The following POR variants were observed in gnomAD, a reference collection of about 807,000 sequenced individuals.
The protein encoded by POR is NADPH--cytochrome P450 reductase.
In POR, 56 loss-of-function variants were observed where a neutral mutation model predicts 84.0. The observed-to-expected ratio is 0.67, with a 90% CI of 0.54 to 0.83. The LOEUF (loss-of-function observed/expected upper bound fraction) is 0.83, where lower values mean the gene tolerates loss of function less well. Among genes scored for constraint, POR ranks in the 40% least tolerant of loss-of-function variants. The probability of loss-of-function intolerance (pLI) is 0.00; values close to 1 mark genes in which losing one functional copy is unlikely to be tolerated. For missense variants in POR, 938 were observed against 944.3 expected (o/e 0.99, Z 0.09); for synonymous variants, 414 against 400.5 (o/e 1.03, Z -0.40).
Position 75,985,765 on chromosome 7 carries a change from A to C in POR, c.1585A>C (p.Thr529Pro). The C allele has an allele frequency of 6.3e-7, 1 of 1,579,400 alleles. No individual in the cohort carries two copies. Among genetic ancestry groups the C allele is most frequent in the Non-Finnish European group, 8.6e-7 (1 of 1,163,858 alleles). ...GTTCCGCCTGCCCTTCAAGGCCACC[A>C]CGCCTGTCATCATGGTGGGCCCCGG... The change falls in exon 13 of 16, where the codon ACG becomes CCG. Residue 529 changes from threonine (T) to proline (P), a missense_variant. Coordinates refer to ENST00000461988, the MANE Select transcript of POR (RefSeq NM_000941.3).
rs1554559448 is a variant in POR at position 75,986,351 on chromosome 7, T to C, written c.1913T>C (p.Met638Thr). 5.0e-6 allele frequency: 8 copies of C among 1,612,286 alleles called. No homozygotes were observed. In the South Asian group the frequency reaches 6.6e-5, roughly 13 times the overall value. Residue 638 changes from methionine (M) to threonine (T), a missense_variant, in exon 16 of 16, where the codon ATG becomes ACG. By Grantham distance (81) the Met-to-Thr change is moderately conservative. Transcript: ENST00000461988. ...TTCCTGCCCAGGGATGCACGGAACA[T>C]GGCCAGGGATGTGCAGAACACCTTC...
intron 2 of POR, among the ~76,000 whole-genome samples, chr7:75,956,485 G>A (rs1031508029): frequency 1.3e-5 from 2 of 152,200 alleles, no homozygotes; most frequent in Admixed American, 6.5e-5. Context: ...AACCCTGGGC[G>A]AGACCTTAAC....
rs182553620 is a variant in POR, at chr7:75,970,266, A to G, written c.189-2147A>G. Among the ~76,000 whole-genome samples the G allele has an allele frequency of 1.9e-3, 293 of 152,154 alleles. 4 individuals carry two copies. The highest frequency in any genetic ancestry group is 1.5e-3 in the Non-Finnish European group (102 of 67,990). ...CTTCAAAATCAATCAGTCGGGCCCC[A>G]CATGTACCACTTCTGTTTATTTATA... is the stretch of plus-strand genomic sequence containing the variant. On this transcript the variant is annotated intron_variant, in intron 2 of 15. Coordinates refer to ENST00000461988, the MANE Select transcript of POR (RefSeq NM_000941.3).
chr7:75,938,889 C>T lies in POR; in HGVS notation c.-4-15100C>T, dbSNP rs1184720109. 2.0e-5 allele frequency among the ~76,000 whole-genome samples: 3 copies of T among 152,236 alleles called. No individual in the cohort carries two copies. In the South Asian group the frequency reaches 6.2e-4, roughly 31 times the overall value. On this transcript the variant is annotated intron_variant, in intron 1 of 15. Transcript: ENST00000461988. Reference sequence around the variant, plus strand: ...AGGCTCTGGTACACGCTTCCTCTATCGGTAGCTTCGCTCATCCCCCTAATC... The same window carrying T: ...AGGCTCTGGTACACGCTTCCTCTATTGGTAGCTTCGCTCATCCCCCTAATC...
chr7:75,920,538 C>T (rs1453952512), intron 1 of POR, among the ~76,000 whole-genome samples: 2 of 152,102 alleles, frequency 1.3e-5, no homozygotes, highest in Admixed American at 6.6e-5. Flanking sequence ...AAGAACAGTG[C>T]TTACTCATTC....
At chr7:75,975,157 A>AT (rs79467024) in intron 3 of POR, among the ~76,000 whole-genome samples, 40,434 of 150,086 alleles carry the variant, frequency 0.27, 5,553 homozygotes, top group East Asian at 0.43. Context: ...ATATTCCTGT[A>AT]TTTTTTTTTT....
rs782143653 is a variant in POR, at chr7:75,983,873, G to A, written c.1066+17G>A. On this transcript the variant is annotated intron_variant, in intron 10 of 15. Coordinates refer to ENST00000461988, the MANE Select transcript of POR (RefSeq NM_000941.3). ...ACCTGGATGGTGAGTGCCACAGTCA[G>A]GGCGCCCTGCCGGGCTCAGGCAGCC... 6.3e-6 allele frequency: 10 copies of A among 1,580,054 alleles called. No homozygotes were observed. Among genetic ancestry groups the A allele is most frequent in the Non-Finnish European group, 8.6e-6 (10 of 1,160,934 alleles).
At chr7:75,933,143 A>C (rs1554550342) in intron 1 of POR, among the ~76,000 whole-genome samples, 1 of 152,042 alleles carries the variant, frequency 6.6e-6, no homozygotes, top group Non-Finnish European at 1.5e-5. Context: ...AATATAGCAC[A>C]TTTTCTTCAC....
chr7:75,986,483 G>GGCCT lies in POR; in HGVS notation c.*10_*13dup. 1 of 1,607,218 alleles carries GGCCT rather than the reference G, an allele frequency of 6.2e-7. No individual in the cohort carries two copies. On this transcript the variant is annotated 3_prime_UTR_variant, in exon 16 of 16. Coordinates refer to ENST00000461988, the MANE Select transcript of POR (RefSeq NM_000941.3). ...TACTCCCTGGACGTGTGGAGCTAGG[G>GGCCT]GCCTGCCTGCCCCACCCACCCCACA...
chr7:75,949,480 T>C (rs1787319969), intron 1 of POR, among the ~76,000 whole-genome samples: 2 of 150,202 alleles, frequency 1.3e-5, no homozygotes, highest in Admixed American at 6.6e-5. Context: ...CGAAGTATGA[T>C]GTGAAGACAT....
rs1479019703 is a variant in POR at position 75,975,674 on chromosome 7, A to T, written c.237+3213A>T. Among the ~76,000 whole-genome samples the T allele has an allele frequency of 3.3e-5, 5 of 152,136 alleles. No individual in the cohort carries two copies. The East Asian group carries it at 9.6e-4, about 29-fold the overall frequency. ...TCTCTGGGTTCTTTTCACTGGGCGC[A>T]ACGTGTTCAAGGTTCACCCACACTG... On this transcript the variant is annotated intron_variant, in intron 3 of 15. Coordinates refer to ENST00000461988, the MANE Select transcript of POR (RefSeq NM_000941.3).
In POR at chr7:75,983,891, A is replaced by G. The variant is rs781868952; in HGVS notation, c.1066+35A>G. On this transcript the variant is annotated intron_variant, in intron 10 of 15. Transcript: ENST00000461988. ...ACAGTCAGGGCGCCCTGCCGGGCTC[A>G]GGCAGCCGCGGGATTGGGCCTGTAG... 1.4e-5 allele frequency: 21 copies of G among 1,520,434 alleles called. No homozygotes were observed. The African/African-American group carries it at 2.1e-4, about 15-fold the overall frequency. The allele number at this position is 1,520,434 out of a possible 1,614,324, so 94.2% of individuals were successfully genotyped here.
At chr7:75,980,759 G>A (rs1284232550) in intron 5 of POR, 16 of 1,443,506 alleles carry the variant, frequency 1.1e-5, no homozygotes, top group African/African-American at 2.8e-5. Flanking sequence ...AGACCTGCCT[G>A]GCCTCGGAGA....
chr7:75,919,535 T>C (rs1806749260), intron 1 of POR, among the ~76,000 whole-genome samples: 1 of 152,038 alleles, frequency 6.6e-6, no homozygotes, highest in South Asian at 2.1e-4. Flanking sequence ...TTTCTTTCCT[T>C]TTCTCTCTCT....
At chr7:75,940,785 A>G (rs111719027) in intron 1 of POR, among the ~76,000 whole-genome samples, 11,274 of 151,792 alleles carry the variant, frequency 0.074, 1,316 homozygotes, top group African/African-American at 0.25. Context: ...CTCCATCTCA[A>G]AAAAGAAAAA....
chr7:75,933,376 GTTTTTTTTTTTTT>G (rs200575911), intron 1 of POR, among the ~76,000 whole-genome samples: 15 of 92,084 alleles, frequency 1.6e-4, no homozygotes, highest in East Asian at 9.3e-4. Context: ...ATAGGTCTTT[GTTTTTTTTTTTTT>G]TTTTTTTTTT....
At chr7:75,982,071 G>T in intron 7 of POR, 153 bp from the exon 8 acceptor site, 1 of 653,466 alleles carries the variant, frequency 1.5e-6, no homozygotes. Context: ...TGCCCTCCTT[G>T]TGCATCTGCA....
rs1788989446 is a variant in POR, at chr7:75,981,030, GC to G, written c.517-14del. 1 of 1,556,582 alleles carries G rather than the reference GC, an allele frequency of 6.4e-7. No individual in the cohort carries two copies. Among genetic ancestry groups the G allele is most frequent in the Non-Finnish European group, 8.7e-7 (1 of 1,148,452 alleles). On this transcript the variant is annotated splice_polypyrimidine_tract_variant and intron_variant, in intron 5 of 15. Coordinates refer to ENST00000461988, the MANE Select transcript of POR (RefSeq NM_000941.3). ...AGGTCGAGGGCCAGGCCTCAGAGCGGCCCCTGTGTCCACGCAGGTGTTTGGT... is the reference window on the plus strand; with the variant it reads ...AGGTCGAGGGCCAGGCCTCAGAGCGGCCCTGTGTCCACGCAGGTGTTTGGT...
intron 2 of POR, among the ~76,000 whole-genome samples, chr7:75,961,918 G>A (rs1272598135): frequency 2.6e-5 from 4 of 152,266 alleles, no homozygotes; most frequent in East Asian, 3.9e-4. Context: ...GAAGGCTGAG[G>A]TGGGAGGATC....
Sources: allele counts gnomAD v4.1 joint callset (sites outside exome capture counted in the v4.1 genomes callset), GRCh38; gene constraint gnomAD v4.1.1; transcripts MANE v1.5; gene names NCBI Gene and HGNC (gene_info 2026-07-23, HGNC 2026-07-21).